ZNF469: variants seen among roughly 807,000 people sequenced by gnomAD.
ZNF469 encodes zinc finger protein 469.
Under a neutral mutation model 1.0 loss-of-function variants are expected in ZNF469, and 1 was observed. That is an observed-to-expected ratio of 1.00 (90% CI 0.35 to 4.73). The LOEUF (loss-of-function observed/expected upper bound fraction) is 4.73. Ranked by LOEUF, ZNF469 falls within the 30% of genes most tolerant of loss-of-function variation. The pLI is 0.16. For synonymous variants in ZNF469, 2,703 were observed against 2,363.4 expected (o/e 1.14, Z -4.17); for missense variants, 6,100 against 5,356.3 (o/e 1.14, Z -4.33).
chr16:88,390,293 TAGGGGCACCCACCAACTGGC>T (rs1322639840), intron 1 of ZNF469, among the ~76,000 whole-genome samples: 1 of 151,730 alleles, frequency 6.6e-6, no homozygotes, highest in African/African-American at 2.4e-5. Context: ...CACATGGGAG[TAGGGGCACCCACCAACTGGC>T]AGGGGCCCCA....
At chr16:88,373,624 G>T in the ZNF469 span, among the ~76,000 whole-genome samples, 1 of 152,326 alleles carries the variant, frequency 6.6e-6, no homozygotes, top group Non-Finnish European at 1.5e-5. Flanking sequence ...ATGCTCCATA[G>T]ACTTGCTCAC....
chr16:88,431,865 C>T lies in ZNF469; in HGVS notation c.4395C>T (p.Asp1465=), dbSNP rs1349132974. 6.5e-7 allele frequency: 1 copy of T among 1,550,040 alleles called. No individual in the cohort carries two copies. The highest frequency in any genetic ancestry group is 1.2e-5 in the South Asian group (1 of 84,062). ...CAGACCTGCCGGTGGACAGATTCGACCCACCCCTCTATGGCAGCCTGTCTG... is the reference window on the plus strand; with the variant it reads ...CAGACCTGCCGGTGGACAGATTCGATCCACCCCTCTATGGCAGCCTGTCTG... ...LFPDLPVDRF[D]PPLYGSLSAN... Residue 1465 remains aspartate (D), a synonymous_variant, in exon 3 of 3, where the codon GAC becomes GAT. Transcript: ENST00000565624.
chr16:88,197,224 A>G, the ZNF469 span, among the ~76,000 whole-genome samples: 2 of 152,158 alleles, frequency 1.3e-5, no homozygotes, highest in African/African-American at 4.8e-5. Context: ...CGAGTGGAGC[A>G]AAGACGTCAG....
chr16:88,335,692 C>T, the ZNF469 span, among the ~76,000 whole-genome samples: 2 of 152,228 alleles, frequency 1.3e-5, no homozygotes, highest in Non-Finnish European at 2.9e-5. Flanking sequence ...CGATAAGCAT[C>T]GAATCAATGA....
chr16:88,319,639 C>T, the ZNF469 span, among the ~76,000 whole-genome samples: 1 of 152,156 alleles, frequency 6.6e-6, no homozygotes, highest in Non-Finnish European at 1.5e-5. Flanking sequence ...TTCTCCTCCC[C>T]ATCCACCATT....
chr16:88,272,803 T>G, the ZNF469 span, among the ~76,000 whole-genome samples: 1 of 147,932 alleles, frequency 6.8e-6, no homozygotes, highest in African/African-American at 2.5e-5. Context: ...GGTGTGTGGA[T>G]AGACGAGTGG....
At chr16:88,158,452 G>C in the ZNF469 span, among the ~76,000 whole-genome samples, 1 of 152,146 alleles carries the variant, frequency 6.6e-6, no homozygotes, top group African/African-American at 2.4e-5. Flanking sequence ...GAGGGTGGGA[G>C]AGCTCAGGCT....
the ZNF469 span, among the ~76,000 whole-genome samples, chr16:88,197,745 A>G: frequency 2.0e-5 from 3 of 152,334 alleles, no homozygotes; most frequent in Admixed American, 2.0e-4. Flanking sequence ...CAGGGCCGGA[A>G]GGTCCACTTC....
At chr16:88,182,236 T>G in the ZNF469 span, among the ~76,000 whole-genome samples, 23,349 of 151,808 alleles carry the variant, frequency 0.15, 2,251 homozygotes, top group East Asian at 0.35. Flanking sequence ...AAGACCTAAA[T>G]AAATGGAGAG....
intron 1 of ZNF469, among the ~76,000 whole-genome samples, chr16:88,412,200 C>A (rs1217300793): frequency 2.6e-5 from 4 of 152,216 alleles, no homozygotes; most frequent in African/African-American, 9.7e-5. Context: ...GCTCTGCCAT[C>A]CCCTCTCCAG....
chr16:88,167,963 T>A, the ZNF469 span, among the ~76,000 whole-genome samples: 2 of 152,312 alleles, frequency 1.3e-5, no homozygotes, highest in African/African-American at 2.4e-5. Context: ...CTCCAAACAT[T>A]TGGAATCTGG....
intron 1 of ZNF469, among the ~76,000 whole-genome samples, chr16:88,412,635 G>A (rs1456902155): frequency 6.6e-6 from 1 of 152,162 alleles, no homozygotes. Context: ...GGGGGACAGG[G>A]AGGGCAGTCT....
chr16:88,430,182 C>T lies in ZNF469; in HGVS notation c.2712C>T (p.Ala904=). ...AAGCTCCGCCCCCGCTCCCAGCAGC[C>T]ACGCCGGACCCCCAAACCCCCCGCC... is the stretch of plus-strand genomic sequence containing the variant. The part of the protein sequence containing the change: ...ESKAPPPLPA[A]TPDPQTPRPG... Residue 904 remains alanine (A), a synonymous_variant, in exon 3 of 3, where the codon GCC becomes GCT. Transcript: ENST00000565624. The T allele has an allele frequency of 6.5e-7, 1 of 1,548,142 alleles. No homozygotes were observed.
chr16:88,431,178 G>T lies in ZNF469; in HGVS notation c.3708G>T (p.Pro1236=), dbSNP rs1178258762. The part of the protein sequence containing the change: ...KEPETAEESA[P]DSTEFTEALR... ...CTGAAACTGCCGAAGAGTCAGCCCC[G>T]GACAGCACAGAATTCACAGAGGCTT... Residue 1236 remains proline, a synonymous_variant, in exon 3 of 3, where the codon CCG becomes CCT. Coordinates refer to ENST00000565624, the MANE Select transcript of ZNF469 (RefSeq NM_001367624.2). The T allele has an allele frequency of 6.5e-7, 1 of 1,550,204 alleles. No individual in the cohort carries two copies. The highest frequency in any genetic ancestry group is 1.4e-5 in the African/African-American group (1 of 73,024).
chr16:88,260,073 G>A, the ZNF469 span, among the ~76,000 whole-genome samples: 1 of 151,732 alleles, frequency 6.6e-6, no homozygotes, highest in Non-Finnish European at 1.5e-5. The surrounding 1 kb of genome is among the most constrained non-coding windows in gnomAD (Gnocchi z 4.1). Flanking sequence ...CGCCTCCCGG[G>A]TTCACGTGAT....
At chr16:88,103,765 G>GC in the ZNF469 span, among the ~76,000 whole-genome samples, 2 of 148,912 alleles carry the variant, frequency 1.3e-5, no homozygotes, top group Admixed American at 6.6e-5. Context: ...GCACGGGGGT[G>GC]GGTGGAATAA....
chr16:88,156,854 C>T, the ZNF469 span, among the ~76,000 whole-genome samples: 3 of 152,050 alleles, frequency 2.0e-5, no homozygotes, highest in African/African-American at 4.8e-5. Flanking sequence ...ATGCCAACAA[C>T]AGCCTGGCCC....
the ZNF469 span, among the ~76,000 whole-genome samples, chr16:88,352,921 G>A: frequency 6.6e-6 from 1 of 152,184 alleles, no homozygotes; most frequent in East Asian, 1.9e-4. Flanking sequence ...CGTTGGAGAG[G>A]CCTGGGAGGT....
chr16:88,141,310 T>G, the ZNF469 span, among the ~76,000 whole-genome samples: 1 of 152,186 alleles, frequency 6.6e-6, no homozygotes, highest in Non-Finnish European at 1.5e-5. Flanking sequence ...AAAACCAGTG[T>G]TAGAAGACAA....
Sources: gnomAD v4.1 joint callset for allele counts (sites outside exome capture counted in the v4.1 genomes callset) on GRCh38, gnomAD v4.1.1 for gene constraint, Gnocchi (gnomAD v3.1) non-coding constraint, MANE v1.5 for transcripts, NCBI Gene and HGNC (gene_info 2026-07-23, HGNC 2026-07-21) for gene names.